Variants in GREB1L observed in about 807,000 individuals in gnomAD.
The protein encoded by GREB1L is GREB1 like retinoic acid receptor coactivator.
GREB1L carries 17 observed loss-of-function variants against 200.8 expected under a neutral mutation model. The observed-to-expected ratio is 0.08, with a 90% CI of 0.06 to 0.13. GREB1L has a LOEUF of 0.13. Ranked by LOEUF, GREB1L falls within the 10% of genes least tolerant of loss-of-function variation. The pLI is 1.00. For missense variants in GREB1L, 1,657 were observed against 2,367.7 expected, an observed-to-expected ratio of 0.70 and a Z score of 6.23; for synonymous variants, 789 against 893.0, an observed-to-expected ratio of 0.88 and a Z score of 2.08.
chr18:21,514,884 G>A (rs960493423), intron 28 of GREB1L, among the ~76,000 whole-genome samples: 11 of 152,100 alleles, frequency 7.2e-5, no homozygotes, highest in African/African-American at 2.7e-4. Flanking sequence ...GGTGCTGGTC[G>A]GGGCATCTGT....
chr18:21,522,631 G>A (rs1041919156), intron 32 of GREB1L, 27 bp from the exon 33 acceptor site: 1 of 1,528,122 alleles, frequency 6.5e-7, no homozygotes, highest in Non-Finnish European at 8.8e-7. Context: ...CTGAGCCTAG[G>A]ACATATTTCT....
At chr18:21,395,110 AAAAAAAAAAAAAG>A (rs1469790445) in intron 4 of GREB1L, among the ~76,000 whole-genome samples, 2 of 150,420 alleles carry the variant, frequency 1.3e-5, no homozygotes, top group African/African-American at 4.9e-5. Flanking sequence ...CATCTCAAAA[AAAAAAAAAAAAAG>A]AAAAAAAAAA....
chr18:21,267,168 G>A (rs188785382), intron 1 of GREB1L, among the ~76,000 whole-genome samples: 70 of 148,782 alleles, frequency 4.7e-4, no homozygotes, highest in African/African-American at 1.4e-3. Flanking sequence ...TCCTGGCCTC[G>A]TGATCTGCCT....
At chr18:21,278,154 T>C (rs1046937558) in intron 1 of GREB1L, among the ~76,000 whole-genome samples, 4 of 151,890 alleles carry the variant, frequency 2.6e-5, no homozygotes, top group Non-Finnish European at 5.9e-5. Context: ...CCGAGGCGGG[T>C]GGATCACCTG....
At chr18:21,288,727 C>G in intron 1 of GREB1L, among the ~76,000 whole-genome samples, 1 of 151,530 alleles carries the variant, frequency 6.6e-6, no homozygotes, top group Non-Finnish European at 1.5e-5. Flanking sequence ...ACTTGTAAGG[C>G]TACCATCCTT....
intron 5 of GREB1L, among the ~76,000 whole-genome samples, chr18:21,399,792 G>A (rs557323059): frequency 1.3e-5 from 2 of 152,220 alleles, no homozygotes; most frequent in South Asian, 4.2e-4. Context: ...TAGCATATAG[G>A]TAGATGCTCA....
Position 21,477,296 on chromosome 18 carries a change from G to T in GREB1L, c.2496G>T (p.Gln832His). Residue 832 changes from glutamine to histidine, a missense_variant, in exon 17 of 33, where the codon CAG becomes CAT. Transcript: ENST00000424526. ...TCAGCTCCTTCCCATACACTCTGCA[G>T]ACCCAACAGTCCCGCATTAGCTCTA... ...LQVSSFPYTL[Q>H]TQQSRISSSN... 1 of 1,551,724 alleles carries T rather than the reference G, an allele frequency of 6.4e-7. No individual in the cohort carries two copies. Among genetic ancestry groups the T allele is most frequent in the Non-Finnish European group, 8.7e-7 (1 of 1,146,998 alleles).
intron 15 of GREB1L, among the ~76,000 whole-genome samples, chr18:21,461,960 T>C (rs1337045933): frequency 1.3e-5 from 2 of 152,238 alleles, no homozygotes; most frequent in Non-Finnish European, 2.9e-5. Flanking sequence ...CATTAGTTAA[T>C]GTGTTCCCTA....
chr18:21,372,484 A>AT (rs1018828149), intron 2 of GREB1L, among the ~76,000 whole-genome samples: 4 of 151,316 alleles, frequency 2.6e-5, no homozygotes, highest in East Asian at 1.9e-4. Flanking sequence ...GACACGAGAG[A>AT]TTTTTTTTGC....
In GREB1L at chr18:21,254,061, A is replaced by ATTTTT. The variant is rs547876546; in HGVS notation, c.-120+11690_-120+11694dup. ...CTTTGCTGTCCAGGCTTTCAGGCAT[A>ATTTTT]TTTTTTTTTTTTTTTTTTTTTTTTT... On this transcript the variant is annotated intron_variant, in intron 1 of 32. Coordinates refer to ENST00000424526, the MANE Select transcript of GREB1L (RefSeq NM_001142966.3). Among the ~76,000 whole-genome samples the ATTTTT allele has an allele frequency of 3.1e-4, 22 of 70,424 alleles. 4 individuals are homozygous for ATTTTT. The highest frequency in any genetic ancestry group is 9.4e-4 in the African/African-American group (14 of 14,878). 46.2% of individuals were successfully genotyped at this position (70,424 alleles called of 152,430 possible).
At chr18:21,244,425 G>T (rs1474321038) in intron 1 of GREB1L, among the ~76,000 whole-genome samples, 2 of 152,138 alleles carry the variant, frequency 1.3e-5, no homozygotes, top group Non-Finnish European at 2.9e-5. Context: ...ATGTTTGGTT[G>T]CATCTCTTAA....
At chr18:21,280,823 A>G (rs891074655) in intron 1 of GREB1L, among the ~76,000 whole-genome samples, 5 of 152,180 alleles carry the variant, frequency 3.3e-5, no homozygotes, top group African/African-American at 9.7e-5. Flanking sequence ...GCTGTAATCC[A>G]TGCTTTCTCG....
At chr18:21,382,232 C>A (rs2040346183) in intron 2 of GREB1L, among the ~76,000 whole-genome samples, 1 of 151,930 alleles carries the variant, frequency 6.6e-6, no homozygotes, top group Non-Finnish European at 1.5e-5. Flanking sequence ...GTAGTCCCAG[C>A]TACTTGGGAG....
intron 4 of GREB1L, among the ~76,000 whole-genome samples, chr18:21,390,805 G>A (rs1156975561): frequency 1.3e-5 from 2 of 151,998 alleles, no homozygotes; most frequent in Non-Finnish European, 2.9e-5. Flanking sequence ...AAAGTGCTGG[G>A]ATTACAGGCG....
At chr18:21,309,450 A>G (rs1052880673) in intron 1 of GREB1L, among the ~76,000 whole-genome samples, 1 of 152,198 alleles carries the variant, frequency 6.6e-6, no homozygotes, top group Non-Finnish European at 1.5e-5. Context: ...GCAGCCCTGC[A>G]TGTCGTATTC....
chr18:21,426,976 A>G (rs1381950317), intron 7 of GREB1L, among the ~76,000 whole-genome samples: 1 of 79,642 alleles, frequency 1.3e-5, no homozygotes, highest in Non-Finnish European at 2.1e-5. Context: ...AAAAAAACAA[A>G]AAAAAAAAAA....
chr18:21,322,333 G>A (rs1427025612), intron 1 of GREB1L, among the ~76,000 whole-genome samples: 3 of 152,072 alleles, frequency 2.0e-5, no homozygotes, highest in African/African-American at 7.2e-5. Flanking sequence ...GCCACCCAGG[G>A]GACATCTAGC....
At chr18:21,516,582 G>T (rs374477655) in intron 29 of GREB1L, 31 bp from the exon 30 acceptor site, 36 of 1,546,278 alleles carry the variant, frequency 2.3e-5, no homozygotes, top group African/African-American at 4.1e-5. Context: ...TATGCCAGCG[G>T]AAGAAAACTA....
intron 17 of GREB1L, 127 bp from the exon 18 acceptor site, chr18:21,485,493 C>T (rs1320646769): frequency 1.2e-5 from 9 of 744,196 alleles, no homozygotes; most frequent in Non-Finnish European, 1.7e-5. Flanking sequence ...CATAATGAAA[C>T]AGTATTTTTT....
Sources: gnomAD v4.1 joint callset for allele counts (sites outside exome capture counted in the v4.1 genomes callset) on GRCh38, gnomAD v4.1.1 for gene constraint, MANE v1.5 for transcripts, NCBI Gene and HGNC (gene_info 2026-07-23, HGNC 2026-07-21) for gene names.